SLC8A3: variants seen among roughly 807,000 people sequenced by gnomAD.
SLC8A3 encodes the protein sodium/calcium exchanger 3.
In SLC8A3, 37 loss-of-function variants were observed where a neutral mutation model predicts 65.4. The ratio of observed to expected loss-of-function variants is 0.57; its 90% CI spans 0.44 to 0.74. The LOEUF is 0.74. SLC8A3 is among the 30% of genes least tolerant of loss of function. The pLI, the probability that SLC8A3 is intolerant of heterozygous loss-of-function variation, is 0.00. For missense variants in SLC8A3, 1,112 were observed against 1,172.1 expected (o/e 0.95, Z 0.75); for synonymous variants, 461 against 444.5 (o/e 1.04, Z -0.47).
intron 2 of SLC8A3, among the ~76,000 whole-genome samples, chr14:70,072,352 T>C (rs890932043): frequency 6.6e-6 from 1 of 152,166 alleles, no homozygotes; most frequent in Non-Finnish European, 1.5e-5. Flanking sequence ...CTCAAAAGGA[T>C]CACTCACTCT....
In SLC8A3 at chr14:70,119,197, C is replaced by CT. The variant is rs55821628; in HGVS notation, c.1784+47441_1784+47442insA. On this transcript the variant is annotated intron_variant, in intron 2 of 6. Coordinates refer to ENST00000356921, the MANE Select transcript of SLC8A3 (RefSeq NM_182932.3). ...GGGCAAAGAAGCACTCTTTTCCCCC[C>CT]ACCCTGGTGGCAAAAGTACTATACA... 5.3e-5 allele frequency among the ~76,000 whole-genome samples: 8 copies of CT among 151,700 alleles called. No individual in the cohort carries two copies. In the South Asian group the frequency reaches 1.3e-3, roughly 24 times the overall value.
chr14:70,142,853 C>T (rs1236007964), intron 2 of SLC8A3, among the ~76,000 whole-genome samples: 7 of 152,070 alleles, frequency 4.6e-5, no homozygotes, highest in African/African-American at 1.7e-4. Flanking sequence ...TCTTCTGGTC[C>T]CTTAAAAAAG....
intron 2 of SLC8A3, among the ~76,000 whole-genome samples, chr14:70,096,342 C>T (rs1222295358): frequency 6.6e-6 from 1 of 152,212 alleles, no homozygotes; most frequent in Non-Finnish European, 1.5e-5. Context: ...CCAATTGTCA[C>T]AGCACCCAGG....
chr14:70,074,789 C>T (rs1890327889), intron 2 of SLC8A3, among the ~76,000 whole-genome samples: 1 of 152,076 alleles, frequency 6.6e-6, no homozygotes, highest in Non-Finnish European at 1.5e-5. Flanking sequence ...GCAATTAATG[C>T]AACAAATCCA....
At chr14:70,153,314 G>A (rs938541025) in intron 2 of SLC8A3, among the ~76,000 whole-genome samples, 1 of 152,154 alleles carries the variant, frequency 6.6e-6, no homozygotes, top group Non-Finnish European at 1.5e-5. Flanking sequence ...ACCGGGTGCT[G>A]CTCTGGTCTA....
chr14:70,161,799 C>A (rs953870755), intron 2 of SLC8A3, among the ~76,000 whole-genome samples: 16 of 152,330 alleles, frequency 1.1e-4, no homozygotes, highest in African/African-American at 3.6e-4. Context: ...GGAGAATGTG[C>A]AAATTGTATC....
intron 2 of SLC8A3, among the ~76,000 whole-genome samples, chr14:70,130,070 GT>G (rs1566799072): frequency 2.0e-5 from 3 of 152,132 alleles, no homozygotes; most frequent in African/African-American, 7.2e-5. Context: ...TCAATGAATT[GT>G]TTACTGAGCT....
chr14:70,175,743 T>C (rs1186748365), intron 1 of SLC8A3, among the ~76,000 whole-genome samples: 1 of 151,000 alleles, frequency 6.6e-6, no homozygotes, highest in East Asian at 1.9e-4. Context: ...TTTTCTTTTT[T>C]TTTTTTTTTG....
intron 2 of SLC8A3, among the ~76,000 whole-genome samples, chr14:70,093,818 A>T (rs61977425): frequency 0.076 from 11,573 of 152,240 alleles, 520 homozygotes; most frequent in Non-Finnish European, 0.11. Context: ...GGTCATGAAA[A>T]TGGAGCCTGT....
At chr14:70,075,729 A>G (rs985646194) in intron 2 of SLC8A3, among the ~76,000 whole-genome samples, 1 of 152,202 alleles carries the variant, frequency 6.6e-6, no homozygotes. Flanking sequence ...AGTGCTTAAA[A>G]ACAATTTTTT....
Position 70,096,552 on chromosome 14 carries a change from G to T in SLC8A3, c.1785-35613C>A, listed in dbSNP as rs371884200. 8.5e-5 allele frequency among the ~76,000 whole-genome samples: 13 copies of T among 152,290 alleles called. No individual in the cohort carries two copies. In the East Asian group the frequency reaches 2.5e-3, roughly 29 times the overall value. The stretch of plus-strand genomic sequence containing the variant: ...AGAGCACAGGTCCCAGAATCAGACT[G>T]CCCAGTTTCACATCACAGCTCCACC... On this transcript the variant is annotated intron_variant, in intron 2 of 6. Coordinates refer to ENST00000356921, the MANE Select transcript of SLC8A3 (RefSeq NM_182932.3).
chr14:70,109,971 G>T (rs552330381), intron 2 of SLC8A3, among the ~76,000 whole-genome samples: 1 of 152,102 alleles, frequency 6.6e-6, no homozygotes, highest in East Asian at 1.9e-4. Flanking sequence ...AAAGTTAACT[G>T]ACTGGTTCTA....
intron 2 of SLC8A3, among the ~76,000 whole-genome samples, chr14:70,080,524 C>G (rs1176353117): frequency 2.0e-5 from 3 of 152,196 alleles, no homozygotes; most frequent in Non-Finnish European, 2.9e-5. Flanking sequence ...CTCCAGGAAC[C>G]TTCCTTAAGT....
chr14:70,171,784 G>A (rs1897555967), intron 1 of SLC8A3, among the ~76,000 whole-genome samples: 1 of 152,100 alleles, frequency 6.6e-6, no homozygotes, highest in Admixed American at 6.5e-5. Context: ...CGGGCAACAA[G>A]AGTGAAACTC....
intron 2 of SLC8A3, among the ~76,000 whole-genome samples, chr14:70,102,652 T>TA (rs1351480363): frequency 6.6e-6 from 1 of 152,102 alleles, no homozygotes; most frequent in Non-Finnish European, 1.5e-5. Flanking sequence ...ATACTATAAA[T>TA]AATAACCTAA....
chr14:70,171,565 T>C (rs1333739454), intron 1 of SLC8A3, among the ~76,000 whole-genome samples: 2 of 152,034 alleles, frequency 1.3e-5, no homozygotes, highest in Admixed American at 6.5e-5. Flanking sequence ...CTTTGGAAGG[T>C]TGAGACAGGT....
chr14:70,067,576 A>G (rs1187958405), intron 2 of SLC8A3, among the ~76,000 whole-genome samples: 1 of 152,174 alleles, frequency 6.6e-6, no homozygotes, highest in Non-Finnish European at 1.5e-5. Context: ...GTGAATTTCT[A>G]ACACACTTGA....
At chr14:70,166,534 A>C in intron 2 of SLC8A3, 105 bp downstream of exon 2, 2 of 721,238 alleles carry the variant, frequency 2.8e-6, no homozygotes, top group South Asian at 1.9e-5. Context: ...AAAGTTTGAC[A>C]TTAACACAAA....
chr14:70,108,529 C>T (rs1893038391), intron 2 of SLC8A3, among the ~76,000 whole-genome samples: 1 of 152,144 alleles, frequency 6.6e-6, no homozygotes, highest in African/African-American at 2.4e-5. Context: ...TCCCCTTAGA[C>T]TCAGGTACTT....
Sources: allele counts gnomAD v4.1 joint callset (sites outside exome capture counted in the v4.1 genomes callset), GRCh38; gene constraint gnomAD v4.1.1; transcripts MANE v1.5; gene names NCBI Gene and HGNC (gene_info 2026-07-23, HGNC 2026-07-21).